LINGO2: variants seen among roughly 807,000 people sequenced by gnomAD.
LINGO2 encodes the protein leucine rich repeat and Ig domain containing 2, also known as leucine-rich repeat and immunoglobulin-like domain-containing nogo receptor-interacting protein 2.
Under a neutral mutation model 30.6 loss-of-function variants are expected in LINGO2, and 14 were observed. That is an observed-to-expected ratio of 0.46 (90% CI 0.30 to 0.72). LINGO2 has a LOEUF of 0.72. Among genes scored for constraint, LINGO2 ranks in the 30% least tolerant of loss-of-function variants. The pLI, the probability that LINGO2 is intolerant of heterozygous loss-of-function variation, is 0.07. For missense variants in LINGO2, 729 were observed against 751.7 expected, an observed-to-expected ratio of 0.97 and a Z score of 0.35; for synonymous variants, 317 against 288.5, an observed-to-expected ratio of 1.10 and a Z score of -1.00.
chr9:28,281,562 A>G (rs945156501), intron 4 of LINGO2, among the ~76,000 whole-genome samples: 9 of 152,194 alleles, frequency 5.9e-5, no homozygotes, highest in Admixed American at 2.0e-4. Flanking sequence ...AACATCTACC[A>G]TTTGCCAGTC....
chr9:29,161,845 C>T, the LINGO2 span, among the ~76,000 whole-genome samples: 108 of 151,810 alleles, frequency 7.1e-4, no homozygotes, highest in African/African-American at 2.4e-3. Context: ...CATATTAGTG[C>T]TATTGAAATG....
the LINGO2 span, among the ~76,000 whole-genome samples, chr9:29,072,796 A>G: frequency 0.022 from 3,313 of 151,626 alleles, 117 homozygotes; most frequent in African/African-American, 0.075. Flanking sequence ...GCACATGGCC[A>G]TAGAGCTTTT....
At chr9:28,013,608 T>C (rs1035638835) in intron 4 of LINGO2, among the ~76,000 whole-genome samples, 3 of 152,224 alleles carry the variant, frequency 2.0e-5, no homozygotes, top group Non-Finnish European at 2.9e-5. Flanking sequence ...AAGAAGCTGA[T>C]AGTAAGTAGC....
At chr9:28,478,284 T>G (rs1200997740) in intron 1 of LINGO2, among the ~76,000 whole-genome samples, 1 of 152,178 alleles carries the variant, frequency 6.6e-6, no homozygotes, top group East Asian at 1.9e-4. Context: ...TTTTTTCCTA[T>G]CTGAATCATT....
At chr9:28,183,908 T>C (rs1224182717) in intron 4 of LINGO2, among the ~76,000 whole-genome samples, 1 of 152,222 alleles carries the variant, frequency 6.6e-6, no homozygotes, top group African/African-American at 2.4e-5. Flanking sequence ...ATTCATATGT[T>C]GCAGCCTCCT....
the LINGO2 span, among the ~76,000 whole-genome samples, chr9:28,950,732 A>G: frequency 0.12 from 18,087 of 152,164 alleles, 1,076 homozygotes; most frequent in South Asian, 0.15. Context: ...ACCACTGCTC[A>G]AGGAAATAAG....
chr9:28,827,492 G>A, the LINGO2 span, among the ~76,000 whole-genome samples: 1 of 152,072 alleles, frequency 6.6e-6, no homozygotes, highest in Non-Finnish European at 1.5e-5. Flanking sequence ...GGGTATAATT[G>A]TATTTATTTC....
chr9:28,861,856 A>G, the LINGO2 span, among the ~76,000 whole-genome samples: 2 of 152,098 alleles, frequency 1.3e-5, no homozygotes, highest in Admixed American at 6.6e-5. Context: ...TGAAATAAAT[A>G]TAAAGAAGTT....
intron 5 of LINGO2, among the ~76,000 whole-genome samples, chr9:28,010,638 C>T (rs1405428197): frequency 6.6e-6 from 1 of 152,156 alleles, no homozygotes; most frequent in African/African-American, 2.4e-5. Flanking sequence ...AACAGCATTC[C>T]CTAGAAATAC....
chr9:28,835,929 TG>T, the LINGO2 span, among the ~76,000 whole-genome samples: 1 of 152,200 alleles, frequency 6.6e-6, no homozygotes, highest in Non-Finnish European at 1.5e-5. Context: ...TTTCAGCTCA[TG>T]ATTTCTTTGA....
At chr9:28,889,834 G>T in the LINGO2 span, among the ~76,000 whole-genome samples, 18 of 151,388 alleles carry the variant, frequency 1.2e-4, no homozygotes, top group African/African-American at 4.1e-4. Context: ...AATCATCAAG[G>T]TAAATATTTT....
intron 4 of LINGO2, among the ~76,000 whole-genome samples, chr9:28,123,970 T>G (rs1005123545): frequency 6.6e-6 from 1 of 152,156 alleles, no homozygotes; most frequent in African/African-American, 2.4e-5. Flanking sequence ...CCAGCCTATT[T>G]AATTCTTATA....
intron 4 of LINGO2, among the ~76,000 whole-genome samples, chr9:28,042,258 A>G (rs1198905341): frequency 6.6e-6 from 1 of 152,290 alleles, no homozygotes; most frequent in East Asian, 1.9e-4. Context: ...TTCAGAGTAG[A>G]AAATTCACCC....
chr9:28,963,738 G>A, the LINGO2 span, among the ~76,000 whole-genome samples: 2 of 151,920 alleles, frequency 1.3e-5, no homozygotes, highest in South Asian at 2.1e-4. Flanking sequence ...TTGATCTTAT[G>A]GAGTTAAGTA....
At chr9:27,938,240 T>C in the LINGO2 span, 2 of 152,184 alleles carry the variant, frequency 1.3e-5, no homozygotes, top group Admixed American at 6.5e-5. Context: ...AGCCAATCGA[T>C]GGCCAACACC....
the LINGO2 span, among the ~76,000 whole-genome samples, chr9:28,764,209 G>GAAA: frequency 7.8e-4 from 118 of 150,926 alleles, 2 homozygotes; most frequent in African/African-American, 2.8e-3. Context: ...AGCCAGAAAT[G>GAAA]AAAACTACAG....
chr9:28,812,597 T>G, the LINGO2 span, among the ~76,000 whole-genome samples: 1 of 152,196 alleles, frequency 6.6e-6, no homozygotes, highest in Non-Finnish European at 1.5e-5. Context: ...AAAGCAAATA[T>G]TTGTATCTTT....
chr9:29,076,672 T>C, the LINGO2 span, among the ~76,000 whole-genome samples: 5 of 149,240 alleles, frequency 3.4e-5, no homozygotes, highest in Admixed American at 3.4e-4. Flanking sequence ...ATGTAGAAAT[T>C]TGCCCTTTTA....
chr9:28,505,926 C>A (rs58694665), intron 1 of LINGO2, among the ~76,000 whole-genome samples: 2 of 151,688 alleles, frequency 1.3e-5, no homozygotes, highest in Non-Finnish European at 2.9e-5. Flanking sequence ...ATGTTTTAAG[C>A]ACAAAGGAAT....
Sources: gnomAD v4.1 joint callset for allele counts (sites outside exome capture counted in the v4.1 genomes callset) on GRCh38, gnomAD v4.1.1 for gene constraint, MANE v1.5 for transcripts, NCBI Gene and HGNC (gene_info 2026-07-23, HGNC 2026-07-21) for gene names.